PCDH15: variants seen among roughly 807,000 people sequenced by gnomAD.
PCDH15 encodes the protein protocadherin related 15.
In PCDH15, 129 loss-of-function variants were observed where a neutral mutation model predicts 178.5. That is an observed-to-expected ratio of 0.72 (90% CI 0.63 to 0.84). The LOEUF (loss-of-function observed/expected upper bound fraction) is 0.84, where lower values mean the gene tolerates loss of function less well. PCDH15 is among the 40% of genes least tolerant of loss of function. The pLI, the probability that PCDH15 is intolerant of heterozygous loss-of-function variation, is 0.00. For synonymous variants in PCDH15, 800 were observed against 732.0 expected, an observed-to-expected ratio of 1.09 and a Z score of -1.50; for missense variants, 2,230 against 2,099.9, an observed-to-expected ratio of 1.06 and a Z score of -1.21.
At chr10:53,847,019 C>T (rs868742307) in intron 28 of PCDH15, among the ~76,000 whole-genome samples, 2 of 151,898 alleles carry the variant, frequency 1.3e-5, no homozygotes, top group Non-Finnish European at 2.9e-5. Context: ...GGCTGGTAGA[C>T]GTAGATTAAA....
intron 2 of PCDH15, among the ~76,000 whole-genome samples, chr10:55,012,110 G>A (rs1286159644): frequency 6.6e-6 from 1 of 151,986 alleles, no homozygotes; most frequent in Non-Finnish European, 1.5e-5. Flanking sequence ...TTTTCTGAAA[G>A]TTACTTTGTA....
intron 3 of PCDH15, among the ~76,000 whole-genome samples, chr10:54,896,181 A>C (rs886489667): frequency 2.0e-5 from 3 of 152,174 alleles, no homozygotes; most frequent in African/African-American, 7.2e-5. Flanking sequence ...CACCACGCCC[A>C]GGAGTACTTT....
intron 21 of PCDH15, among the ~76,000 whole-genome samples, chr10:53,963,909 C>G (rs2088652359): frequency 6.6e-6 from 1 of 152,152 alleles, no homozygotes; most frequent in South Asian, 2.1e-4. Flanking sequence ...TTAAACCCTT[C>G]CAATGATTTT....
chr10:53,978,169 C>T (rs2135724), intron 21 of PCDH15, among the ~76,000 whole-genome samples: 72,523 of 151,940 alleles, frequency 0.48, 17,531 homozygotes, highest in Middle Eastern at 0.64. Context: ...GGGGCTCCCA[C>T]CACACATTTC....
At chr10:54,509,891 A>G (rs576217867) in intron 3 of PCDH15, among the ~76,000 whole-genome samples, 2 of 152,276 alleles carry the variant, frequency 1.3e-5, no homozygotes, top group South Asian at 2.1e-4. Flanking sequence ...GTGTTCACAT[A>G]TGTCTTCGAA....
chr10:55,399,196 A>G (rs1838003514), intron 2 of PCDH15, among the ~76,000 whole-genome samples: 2 of 152,192 alleles, frequency 1.3e-5, no homozygotes, highest in Admixed American at 6.5e-5. Context: ...TGCTTTATTA[A>G]CAGATTTATG....
chr10:54,164,704 C>T (rs2046038936), intron 13 of PCDH15, among the ~76,000 whole-genome samples: 10 of 152,034 alleles, frequency 6.6e-5, no homozygotes, highest in Admixed American at 3.9e-4. Flanking sequence ...TTTTAATGCA[C>T]TAGATATTAT....
chr10:53,807,898 G>A (rs1036364097), intron 37 of PCDH15, among the ~76,000 whole-genome samples: 1 of 152,042 alleles, frequency 6.6e-6, no homozygotes, highest in Non-Finnish European at 1.5e-5. Flanking sequence ...ATTAAAAATA[G>A]CAAGAAGCAA....
At chr10:55,124,413 G>GCA (rs1409859721) in intron 2 of PCDH15, among the ~76,000 whole-genome samples, 1 of 152,002 alleles carries the variant, frequency 6.6e-6, no homozygotes, top group African/African-American at 2.4e-5. Flanking sequence ...ATGTAAACAT[G>GCA]CACACACACA....
At chr10:55,233,705 C>T (rs1388454414) in intron 1 of PCDH15, among the ~76,000 whole-genome samples, 4 of 152,058 alleles carry the variant, frequency 2.6e-5, no homozygotes, top group Non-Finnish European at 5.9e-5. Flanking sequence ...GTGGTTTTGA[C>T]ACCTTACTAT....
At chr10:55,338,428 G>A (rs890752040) in intron 2 of PCDH15, among the ~76,000 whole-genome samples, 1 of 152,120 alleles carries the variant, frequency 6.6e-6, no homozygotes, top group African/African-American at 2.4e-5. Flanking sequence ...TCAATAAATA[G>A]CAGGTAGTAC....
At chr10:54,739,690 A>G (rs1278281793) in intron 1 of PCDH15, among the ~76,000 whole-genome samples, 1 of 152,014 alleles carries the variant, frequency 6.6e-6, no homozygotes, top group African/African-American at 2.4e-5. Flanking sequence ...AAATATACAC[A>G]TAAGCCAATG....
chr10:54,963,868 G>A (rs1349270545), intron 2 of PCDH15, among the ~76,000 whole-genome samples: 1 of 152,208 alleles, frequency 6.6e-6, no homozygotes, highest in East Asian at 1.9e-4. Context: ...CAATCACTGT[G>A]ACAAAAATTG....
chr10:54,236,769 G>C (rs2054664756), intron 9 of PCDH15, 54 bp downstream of exon 9: 5 of 1,349,730 alleles, frequency 3.7e-6, no homozygotes, highest in Non-Finnish European at 5.3e-6. Context: ...GAGAGAATTT[G>C]TTACTGTAAG....
chr10:54,328,270 A>G (rs950842457), intron 7 of PCDH15, among the ~76,000 whole-genome samples: 2 of 151,962 alleles, frequency 1.3e-5, no homozygotes, highest in African/African-American at 2.4e-5. Flanking sequence ...TATTTTGCTT[A>G]TAAGTATGCA....
intron 28 of PCDH15, 147 bp downstream of exon 28, chr10:53,857,028 A>T: frequency 1.6e-6 from 1 of 640,850 alleles, no homozygotes. Context: ...TGGTTGGCAC[A>T]CTCGAAGCCT....
At chr10:55,176,549 T>C (rs1839492788) in intron 1 of PCDH15, among the ~76,000 whole-genome samples, 1 of 152,124 alleles carries the variant, frequency 6.6e-6, no homozygotes, top group Admixed American at 6.6e-5. Flanking sequence ...AAAGCTAGAA[T>C]CAATCAATGA....
chr10:54,141,261 C>T lies in PCDH15; in HGVS notation c.1785-8254G>A, dbSNP rs77964198. Among the ~76,000 whole-genome samples, 790 of 152,122 alleles carry T rather than the reference C, an allele frequency of 5.2e-3. 7 individuals are homozygous for T. The highest frequency in any genetic ancestry group is 0.024 in the Middle Eastern group (7 of 294). Reference sequence around the variant, plus strand: ...AAGTTCCTAAACTACCTTTGTCAAGCTTCAAAACATTGATGAAGGACAGCA... The same window carrying T: ...AAGTTCCTAAACTACCTTTGTCAAGTTTCAAAACATTGATGAAGGACAGCA... On this transcript the variant is annotated intron_variant, in intron 14 of 37. Coordinates refer to ENST00000644397, the MANE Select transcript of PCDH15 (RefSeq NM_001384140.1).
chr10:55,550,766 A>G (rs1180398271), intron 2 of PCDH15, among the ~76,000 whole-genome samples: 1 of 152,132 alleles, frequency 6.6e-6, no homozygotes, highest in African/African-American at 2.4e-5. Flanking sequence ...TAAAAGAAAA[A>G]TGTTACCCAT....
Sources: allele counts gnomAD v4.1 joint callset (sites outside exome capture counted in the v4.1 genomes callset), GRCh38; gene constraint gnomAD v4.1.1; transcripts MANE v1.5; gene names NCBI Gene and HGNC (gene_info 2026-07-23, HGNC 2026-07-21).